Variants in MCC observed in about 807,000 individuals in gnomAD.
The protein encoded by MCC is MCC regulator of Wnt signaling pathway.
In MCC, 90 loss-of-function variants were observed where a neutral mutation model predicts 116.2. The ratio of observed to expected loss-of-function variants is 0.77; its 90% CI spans 0.65 to 0.92. The LOEUF is 0.92. Ranked by LOEUF, MCC falls within the 40% of genes least tolerant of loss-of-function variation. MCC has a pLI of 0.00. For missense variants in MCC, 1,516 were observed against 1,312.2 expected (o/e 1.16, Z -2.40); for synonymous variants, 578 against 510.5 (o/e 1.13, Z -1.78).
At chr5:113,316,119 A>C (rs559472898) in intron 3 of MCC, among the ~76,000 whole-genome samples, 1 of 151,826 alleles carries the variant, frequency 6.6e-6, no homozygotes, top group African/African-American at 2.4e-5. Flanking sequence ...AGCTGGGCGT[A>C]TTGGCACACG....
intron 3 of MCC, among the ~76,000 whole-genome samples, chr5:113,196,011 T>C (rs752872158): frequency 1.3e-5 from 2 of 152,182 alleles, no homozygotes; most frequent in Non-Finnish European, 2.9e-5. Context: ...TAGTGCCAAA[T>C]GACCTCATGC....
chr5:113,405,044 T>C (rs2150400261), intron 1 of MCC, among the ~76,000 whole-genome samples: 1 of 152,348 alleles, frequency 6.6e-6, no homozygotes, highest in South Asian at 2.1e-4. Context: ...GAATTTTTAT[T>C]CATATGTATG....
At chr5:113,093,375 C>T (rs575427389) in intron 8 of MCC, among the ~76,000 whole-genome samples, 4 of 152,156 alleles carry the variant, frequency 2.6e-5, no homozygotes, top group African/African-American at 4.8e-5. Context: ...ATTCAAGGGT[C>T]GAGCGCACTG....
chr5:113,075,297 C>A (rs950629984), intron 11 of MCC, among the ~76,000 whole-genome samples: 6 of 152,236 alleles, frequency 3.9e-5, no homozygotes, highest in Admixed American at 1.3e-4. Context: ...GGACCTGCAG[C>A]CTACCATGCC....
chr5:113,146,136 A>G (rs542610044), intron 4 of MCC, among the ~76,000 whole-genome samples: 1 of 152,146 alleles, frequency 6.6e-6, no homozygotes, highest in African/African-American at 2.4e-5. Context: ...AATAGCATAC[A>G]ATGTAGTACT....
chr5:113,389,527 A>G (rs1290659845), intron 1 of MCC, among the ~76,000 whole-genome samples: 3 of 152,122 alleles, frequency 2.0e-5, no homozygotes, highest in Admixed American at 6.5e-5. Context: ...GATAACATTT[A>G]GTACCTGCAC....
chr5:113,418,150 A>G (rs1176046304), intron 1 of MCC, among the ~76,000 whole-genome samples: 1 of 152,098 alleles, frequency 6.6e-6, no homozygotes, highest in African/African-American at 2.4e-5. Context: ...TATTTGATAG[A>G]GGCTTCAGGT....
At chr5:113,278,758 G>A (rs1765924971) in intron 3 of MCC, among the ~76,000 whole-genome samples, 1 of 152,134 alleles carries the variant, frequency 6.6e-6, no homozygotes, top group South Asian at 2.1e-4. Context: ...GGTATATGGG[G>A]CTGGGTACCT....
intron 17 of MCC, among the ~76,000 whole-genome samples, chr5:113,042,224 C>A (rs1346870855): frequency 1.3e-5 from 2 of 149,716 alleles, no homozygotes; most frequent in African/African-American, 4.9e-5. Context: ...GTAATCCCAA[C>A]ATTTTGGGAG....
intron 6 of MCC, among the ~76,000 whole-genome samples, chr5:113,113,428 G>A (rs1581089545): frequency 6.6e-6 from 1 of 152,110 alleles, no homozygotes; most frequent in Non-Finnish European, 1.5e-5. Context: ...GAACACCAAA[G>A]AGAAGACTGA....
intron 3 of MCC, among the ~76,000 whole-genome samples, chr5:113,287,068 G>A (rs183275571): frequency 2.0e-5 from 3 of 151,728 alleles, no homozygotes; most frequent in Non-Finnish European, 2.9e-5. Flanking sequence ...TTGGGAATCC[G>A]GGCAGATATA....
intron 3 of MCC, among the ~76,000 whole-genome samples, chr5:113,303,830 T>C (rs1169675453): frequency 2.0e-5 from 3 of 152,156 alleles, no homozygotes; most frequent in African/African-American, 7.2e-5. Context: ...TTTGTTTGTA[T>C]TTTTAGTAGA....
intron 3 of MCC, among the ~76,000 whole-genome samples, chr5:113,236,603 T>C (rs1457925039): frequency 6.6e-6 from 1 of 152,254 alleles, no homozygotes; most frequent in East Asian, 1.9e-4. Flanking sequence ...TCCAGGCATA[T>C]AATTGAGTGC....
At chr5:113,470,910 CTCACT>C (rs1419864091) in intron 1 of MCC, among the ~76,000 whole-genome samples, 1 of 152,212 alleles carries the variant, frequency 6.6e-6, no homozygotes, top group Non-Finnish European at 1.5e-5. Context: ...AACTTCTCTT[CTCACT>C]TCATTTCATT....
intron 6 of MCC, among the ~76,000 whole-genome samples, chr5:113,105,458 A>T (rs987781644): frequency 6.6e-6 from 1 of 152,200 alleles, no homozygotes; most frequent in East Asian, 1.9e-4. Flanking sequence ...TAGAGAGATC[A>T]GCCTAAGGCT....
chr5:113,053,622 G>T, intron 15 of MCC, 103 bp downstream of exon 15: 1 of 755,302 alleles, frequency 1.3e-6, no homozygotes. Context: ...TCTTCTCTGG[G>T]CAGGAGGGGT....
chr5:113,187,754 C>CAAAAAAA (rs5870533), intron 3 of MCC, among the ~76,000 whole-genome samples: 1 of 122,992 alleles, frequency 8.1e-6, no homozygotes, highest in Non-Finnish European at 1.7e-5. Flanking sequence ...GACTCCAACT[C>CAAAAAAA]AAAAAAAAAA....
chr5:113,167,469 C>G (rs1393754232), intron 3 of MCC, among the ~76,000 whole-genome samples: 2 of 152,176 alleles, frequency 1.3e-5, no homozygotes, highest in Admixed American at 1.3e-4. Context: ...CATAAAGGAA[C>G]AGCTTCCTCA....
At chr5:113,486,073 A>C (rs542971627) in intron 1 of MCC, among the ~76,000 whole-genome samples, 78 of 152,286 alleles carry the variant, frequency 5.1e-4, no homozygotes, top group Non-Finnish European at 4.7e-4. Flanking sequence ...TTACCACATA[A>C]ACGTAAATTC....
Sources: gnomAD v4.1 joint callset for allele counts (sites outside exome capture counted in the v4.1 genomes callset) on GRCh38, gnomAD v4.1.1 for gene constraint, MANE v1.5 for transcripts, NCBI Gene and HGNC (gene_info 2026-07-23, HGNC 2026-07-21) for gene names.